Variants in OR8B3 observed in about 807,000 individuals in gnomAD.
OR8B3 encodes the protein olfactory receptor 8B3.
For synonymous variants in OR8B3, 102 were observed against 135.4 expected (o/e 0.75, Z 1.71); for missense variants, 278 against 377.6 (o/e 0.74, Z 2.19).
the OR8B3 span, among the ~76,000 whole-genome samples, chr11:124,406,984 T>C: frequency 6.6e-6 from 1 of 152,178 alleles, no homozygotes; most frequent in African/African-American, 2.4e-5. Context: ...TCATTTTCCA[T>C]GAAGCAAATG....
intron 1 of OR8B3, among the ~76,000 whole-genome samples, chr11:124,397,908 T>C (rs118063562): frequency 6.6e-6 from 1 of 152,126 alleles, no homozygotes; most frequent in Non-Finnish European, 1.5e-5. Context: ...TTGGTCTGGC[T>C]GGTCTCAAAC....
Position 124,396,742 on chromosome 11 carries a change from C to G in OR8B3, c.610G>C (p.Gly204Arg), listed in dbSNP as rs1200706856. 5 of 1,613,750 alleles carry G rather than the reference C, an allele frequency of 3.1e-6. No homozygotes were observed. Among genetic ancestry groups the G allele is most frequent in the Non-Finnish European group, 2.5e-6 (3 of 1,179,854 alleles). Residue 204 changes from glycine (G) to arginine (R), a missense_variant, in exon 2 of 2, where the codon GGT (glycine) becomes CGT (arginine). By Grantham distance (125) the Gly-to-Arg change is moderately radical. Transcript: ENST00000641139. ...CAACTGGGTACCATGATATTAATAC[C>G]CACAACAATGAGAACAACCACCTCG... ...VNEVVVLIVVGINIMVPSCTI... is the reference protein window; with the variant it reads ...VNEVVVLIVVRINIMVPSCTI...
chr11:124,396,402 G>A lies in OR8B3; in HGVS notation c.*8C>T. On this transcript the variant is annotated 3_prime_UTR_variant, in exon 2 of 2. Transcript: ENST00000641139. ...TCTTCAATCGTTTTACATTATTACT[G>A]CTTCTAATTAGAATATATTTCTTCT... 2 of 1,582,632 alleles carry A rather than the reference G, an allele frequency of 1.3e-6. No homozygotes were observed. The highest frequency in any genetic ancestry group is 1.7e-6 in the Non-Finnish European group (2 of 1,168,218).
At chr11:124,405,591 G>C in the OR8B3 span, among the ~76,000 whole-genome samples, 2 of 152,244 alleles carry the variant, frequency 1.3e-5, no homozygotes, top group Non-Finnish European at 2.9e-5. Context: ...CATCAGCACA[G>C]TCTTCAGTCT....
At chr11:124,399,530 G>A (rs1003517205), upstream of OR8B3, among the ~76,000 whole-genome samples, 5 of 152,120 alleles carry the variant, frequency 3.3e-5, no homozygotes, top group Non-Finnish European at 5.9e-5. Context: ...TTCATGGGCC[G>A]TTATTTCAAG....
chr11:124,397,737 C>T (rs1860914246), intron 1 of OR8B3, among the ~76,000 whole-genome samples: 1 of 151,532 alleles, frequency 6.6e-6, no homozygotes, highest in Admixed American at 6.6e-5. Context: ...ACGCTTGTTG[C>T]CCTGGCTGGA....
chr11:124,395,598 A>C lies in OR8B3; in HGVS notation c.*812T>G, dbSNP rs1373550831. 1 of 152,232 alleles carries C rather than the reference A, an allele frequency of 6.6e-6. No individual in the cohort carries two copies. The highest frequency in any genetic ancestry group is 1.9e-4 in the East Asian group (1 of 5,206). 9.4% of individuals were successfully genotyped at this position (152,232 alleles called of 1,614,324 possible). A position where few individuals can be genotyped will look rare whatever the true frequency, so the allele number is the denominator to read the frequency against. ...AGTATTTACCTATAACGAGTAAAAA[A>C]ATAACATTTACAGTAGGAACTACAC... is the stretch of plus-strand genomic sequence containing the variant. On this transcript the variant is annotated 3_prime_UTR_variant, in exon 2 of 2. Transcript: ENST00000641139.
At chr11:124,405,067 A>C in the OR8B3 span, 1 of 152,016 alleles carries the variant, frequency 6.6e-6, no homozygotes, top group Non-Finnish European at 1.5e-5. Context: ...CACAAGGATA[A>C]ATTCAGTCAC....
At chr11:124,404,924 A>C in the OR8B3 span, 2 of 152,372 alleles carry the variant, frequency 1.3e-5, no homozygotes, top group African/African-American at 4.8e-5. Flanking sequence ...ACATCAATGA[A>C]GGATAGCGTG....
At chr11:124,402,249 A>G (rs1326074324), upstream of OR8B3, among the ~76,000 whole-genome samples, 6 of 152,234 alleles carry the variant, frequency 3.9e-5, no homozygotes, top group Non-Finnish European at 8.8e-5. Flanking sequence ...GAAAGTCACC[A>G]ATTTGCAGAT....
chr11:124,407,654 T>C, the OR8B3 span, among the ~76,000 whole-genome samples: 157 of 152,270 alleles, frequency 1.0e-3, 4 homozygotes, highest in South Asian at 0.03. Context: ...GATTGAAAAT[T>C]TTTCTATTAA....
upstream of OR8B3, among the ~76,000 whole-genome samples, chr11:124,403,714 G>A (rs7925574): frequency 0.31 from 46,714 of 152,014 alleles, 7,128 homozygotes; most frequent in South Asian, 0.39. Context: ...ACGGGGTGGC[G>A]GCCGGGCAAA....
the OR8B3 span, among the ~76,000 whole-genome samples, chr11:124,408,204 G>A: frequency 6.6e-6 from 1 of 152,074 alleles, no homozygotes; most frequent in Non-Finnish European, 1.5e-5. Flanking sequence ...TTCTACATAA[G>A]CAATTATTTT....
At position 124,396,742 on chromosome 11, in the gene OR8B3, C is replaced by T; in HGVS notation, c.610G>A (p.Gly204Ser). Residue 204 changes from glycine (G) to serine (S), a missense_variant, in exon 2 of 2, where the codon GGT (glycine) becomes AGT (serine). Coordinates refer to ENST00000641139, the MANE Select transcript of OR8B3 (RefSeq NM_001005467.2). ...CAACTGGGTACCATGATATTAATACCCACAACAATGAGAACAACCACCTCG... is the reference window on the plus strand; with the variant it reads ...CAACTGGGTACCATGATATTAATACTCACAACAATGAGAACAACCACCTCG... ...VNEVVVLIVV[G>S]INIMVPSCTI... 1.2e-6 allele frequency: 2 copies of T among 1,613,750 alleles called. No homozygotes were observed. The highest frequency in any genetic ancestry group is 1.7e-6 in the Non-Finnish European group (2 of 1,179,854).
At chr11:124,404,893 G>A in the OR8B3 span, 4 of 152,282 alleles carry the variant, frequency 2.6e-5, no homozygotes, top group Middle Eastern at 3.4e-3. Flanking sequence ...AATTTTTGTG[G>A]TACAGACAAA....
Position 124,397,072 on chromosome 11 carries a change from A to G in OR8B3, c.280T>C (p.Tyr94His). The change falls in exon 2 of 2, where the codon TAT becomes CAT. Residue 94 changes from tyrosine (Y) to histidine (H), a missense_variant. Transcript: ENST00000641139. ...AACAGCTGAGTCATGCACCCAACAT[A>G]GGAGATAATATTCTTTTTTGATACA... ...NFVSKKNIIS[Y>H]VGCMTQLFFF... The G allele has an allele frequency of 6.2e-7, 1 of 1,613,942 alleles. No homozygotes were observed. The highest frequency in any genetic ancestry group is 1.3e-5 in the African/African-American group (1 of 75,026).
At chr11:124,407,878 A>G in the OR8B3 span, among the ~76,000 whole-genome samples, 1 of 152,320 alleles carries the variant, frequency 6.6e-6, no homozygotes, top group South Asian at 2.1e-4. Flanking sequence ...CTACAGATCT[A>G]ATAGACGGAC....
the OR8B3 span, among the ~76,000 whole-genome samples, chr11:124,404,065 ACAGT>A: frequency 6.6e-6 from 1 of 152,224 alleles, no homozygotes; most frequent in Non-Finnish European, 1.5e-5. Context: ...TGGCGGCAGC[ACAGT>A]CCAGCTTCGG....
Position 124,396,493 on chromosome 11 carries a change from G to T in OR8B3, c.859C>A (p.Leu287Ile), listed in dbSNP as rs749324800. The change falls in exon 2 of 2, where the codon CTC becomes ATC. Residue 287 changes from leucine to isoleucine, a missense_variant. Leu to Ile is a conservative substitution (Grantham distance 5). Transcript: ENST00000641139. ...TCCTTGTTCCTCAAACTGTAGATGA[G>T]AGGATTGAGCATGGGCACCACATTA... ...YTNVVPMLNP[L>I]IYSLRNKDVK... 8 of 1,614,112 alleles carry T rather than the reference G, an allele frequency of 5.0e-6. No individual in the cohort carries two copies. The highest frequency in any genetic ancestry group is 6.8e-6 in the Non-Finnish European group (8 of 1,180,036).
Sources: gnomAD v4.1 joint callset for allele counts (sites outside exome capture counted in the v4.1 genomes callset) on GRCh38, gnomAD v4.1.1 for gene constraint, MANE v1.5 for transcripts, NCBI Gene and HGNC (gene_info 2026-07-23, HGNC 2026-07-21) for gene names.